DPH6: variants seen among roughly 807,000 people sequenced by gnomAD.
DPH6 encodes diphthine--ammonia ligase.
In DPH6, 33 loss-of-function variants were observed where a neutral mutation model predicts 38.2. The observed-to-expected ratio is 0.86, with a 90% CI of 0.65 to 1.15. DPH6 has a LOEUF of 1.15. DPH6 is among the 50% of genes most tolerant of loss of function. The pLI is 0.00. For missense variants in DPH6, 325 were observed against 320.0 expected (o/e 1.02, Z -0.12); for synonymous variants, 108 against 103.0 (o/e 1.05, Z -0.30).
chr15:35,349,070 G>A (rs1184427207), intron 3 of DPH6, among the ~76,000 whole-genome samples: 2 of 151,864 alleles, frequency 1.3e-5, no homozygotes, highest in Non-Finnish European at 2.9e-5. Context: ...ACATCTCTAG[G>A]GTTTTCTATA....
intron 3 of DPH6, among the ~76,000 whole-genome samples, chr15:35,360,847 G>A (rs966117963): frequency 2.6e-5 from 4 of 152,006 alleles, no homozygotes; most frequent in African/African-American, 9.7e-5. Flanking sequence ...CCAGTTAAGG[G>A]CCACTTTAGT....
At chr15:35,463,784 A>G (rs2054093623) in intron 3 of DPH6, among the ~76,000 whole-genome samples, 1 of 151,976 alleles carries the variant, frequency 6.6e-6, no homozygotes, top group Non-Finnish European at 1.5e-5. Flanking sequence ...AAATATACCT[A>G]TGGATATATA....
chr15:35,424,318 C>T (rs911374269), intron 5 of DPH6, among the ~76,000 whole-genome samples: 2 of 151,510 alleles, frequency 1.3e-5, no homozygotes, highest in Non-Finnish European at 3.0e-5. Context: ...CTTCTTGTCG[C>T]TATTGTGAAT....
the DPH6 span, among the ~76,000 whole-genome samples, chr15:35,198,555 C>T: frequency 1.3e-5 from 2 of 152,174 alleles, no homozygotes; most frequent in African/African-American, 2.4e-5. Flanking sequence ...TTCTACTCTT[C>T]GAGTCAAGTG....
At chr15:35,242,480 C>T (rs1350607800) in intron 3 of DPH6, among the ~76,000 whole-genome samples, 3 of 143,410 alleles carry the variant, frequency 2.1e-5, no homozygotes, top group African/African-American at 5.1e-5. Context: ...GAGAAGGCCA[C>T]GGCAGTCAGT....
At chr15:35,383,248 C>T (rs1178852359) in intron 6 of DPH6, among the ~76,000 whole-genome samples, 3 of 152,072 alleles carry the variant, frequency 2.0e-5, no homozygotes, top group East Asian at 1.9e-4. Flanking sequence ...TTCTCTTAGT[C>T]CCTAGTAAAA....
At chr15:35,455,586 T>A (rs973750862) in intron 3 of DPH6, among the ~76,000 whole-genome samples, 2 of 152,080 alleles carry the variant, frequency 1.3e-5, no homozygotes, top group Admixed American at 6.5e-5. Context: ...ATGGACAACA[T>A]GGGGATTTGA....
chr15:35,286,445 T>C (rs2051944370), intron 3 of DPH6, among the ~76,000 whole-genome samples: 1 of 152,200 alleles, frequency 6.6e-6, no homozygotes, highest in African/African-American at 2.4e-5. Context: ...TCTCCATCCC[T>C]ATGGGAAATA....
rs181629344 is a variant in DPH6, at chr15:35,364,996, C to A, written n.207+8525G>T. On this transcript the variant is annotated intron_variant and non_coding_transcript_variant, in intron 3 of 3. Transcript: ENST00000558973. ...CTTCATGTTTCATTCTGAATATTTT[C>A]TTCTGACCTCTTTTCCAGTTCACTG... Among the ~76,000 whole-genome samples the A allele has an allele frequency of 1.7e-3, 257 of 152,010 alleles. No individual in the cohort carries two copies. The Middle Eastern group carries it at 0.031, about 18-fold the overall frequency.
chr15:35,282,526 TG>T (rs1566858810), intron 3 of DPH6: 1 of 229,868 alleles, frequency 4.4e-6, no homozygotes, highest in African/African-American at 2.3e-5. Flanking sequence ...CAGACTGTGC[TG>T]GGTTGTCATG....
intron 5 of DPH6, among the ~76,000 whole-genome samples, chr15:35,435,632 T>G (rs916748883): frequency 3.9e-5 from 6 of 152,140 alleles, no homozygotes; most frequent in African/African-American, 1.4e-4. Flanking sequence ...GAGAGCATTC[T>G]TTTTGCCTAA....
rs184901556 is a variant in DPH6 at position 35,485,737 on chromosome 15, C to G, written c.313-30917G>C. On this transcript the variant is annotated intron_variant, in intron 3 of 8. Transcript: ENST00000256538. ...GTTTATATTCTCACATACATTACCT[C>G]ATTTGCTCCTTCCCACAATGAGCCT... 2.8e-4 allele frequency among the ~76,000 whole-genome samples: 42 copies of G among 152,312 alleles called. 2 individuals are homozygous for G. In the East Asian group the frequency reaches 8.1e-3, roughly 29 times the overall value.
downstream of DPH6, among the ~76,000 whole-genome samples, chr15:35,328,659 C>T (rs115802324): frequency 5.5e-3 from 832 of 152,272 alleles, 9 homozygotes; most frequent in African/African-American, 0.018. Flanking sequence ...AAGAAGAATC[C>T]TTGTCACAAT....
chr15:35,450,842 T>G (rs962465352), intron 4 of DPH6, 39 bp from the exon 5 acceptor site: 2 of 1,470,920 alleles, frequency 1.4e-6, no homozygotes, highest in East Asian at 4.6e-5. Flanking sequence ...GATGATCTCT[T>G]AATGTTTTAT....
At chr15:35,319,424 CA>C (rs537275444) in intron 3 of DPH6, among the ~76,000 whole-genome samples, 26 of 152,068 alleles carry the variant, frequency 1.7e-4, no homozygotes, top group African/African-American at 5.5e-4. Context: ...CCTGAAGTGA[CA>C]GTAGAAAGGT....
the DPH6 span, among the ~76,000 whole-genome samples, chr15:35,175,811 T>G: frequency 1.9e-4 from 29 of 152,300 alleles, no homozygotes; most frequent in African/African-American, 7.0e-4. Context: ...TAAAAGAGCT[T>G]GAAAAGATGA....
rs1307895318 is a variant in DPH6, at chr15:35,241,852, T to A, written n.201-21270A>T. On this transcript the variant is annotated intron_variant and non_coding_transcript_variant, in intron 3 of 3. Transcript: ENST00000560386. ...CCTTTTAAAGCCTATAAATTCTCCT[T>A]ACAATTCCCCCATTTTACCTGTCTT... is the stretch of plus-strand genomic sequence containing the variant. Among the ~76,000 whole-genome samples, 3 of 143,182 alleles carry A rather than the reference T, an allele frequency of 2.1e-5. No homozygotes were observed. The East Asian group carries it at 6.6e-4, about 31-fold the overall frequency. 93.9% of individuals were successfully genotyped at this position (143,182 alleles called of 152,430 possible).
chr15:35,245,719 A>C (rs1169785308), intron 3 of DPH6, among the ~76,000 whole-genome samples: 2 of 152,224 alleles, frequency 1.3e-5, no homozygotes, highest in Non-Finnish European at 2.9e-5. Context: ...AAATCAAACA[A>C]ATCAACACAT....
At chr15:35,393,633 T>A (rs1441372136) in intron 6 of DPH6, among the ~76,000 whole-genome samples, 2 of 152,088 alleles carry the variant, frequency 1.3e-5, no homozygotes, top group African/African-American at 4.8e-5. Context: ...AGAGGATGGC[T>A]CCGGAATGAA....
Sources: allele counts gnomAD v4.1 joint callset (sites outside exome capture counted in the v4.1 genomes callset), GRCh38; gene constraint gnomAD v4.1.1; transcripts MANE v1.5; gene names NCBI Gene and HGNC (gene_info 2026-07-23, HGNC 2026-07-21).